Variants in CAPS2 observed in about 807,000 individuals in gnomAD.
CAPS2 encodes calcyphosine 2.
In CAPS2, 98 loss-of-function variants were observed where a neutral mutation model predicts 86.5. The ratio of observed to expected loss-of-function variants is 1.13; its 90% CI spans 0.96 to 1.34. The LOEUF (loss-of-function observed/expected upper bound fraction) is 1.34, where lower values mean the gene tolerates loss of function less well. Ranked by LOEUF, CAPS2 falls within the 40% of genes most tolerant of loss-of-function variation. The probability of loss-of-function intolerance (pLI) is 0.00; values close to 1 mark genes in which losing one functional copy is unlikely to be tolerated. For missense variants in CAPS2, 729 were observed against 686.8 expected (o/e 1.06, Z -0.69); for synonymous variants, 210 against 225.1 (o/e 0.93, Z 0.60).
At chr12:75,371,270 G>A (rs1235562656) in intron 1 of CAPS2, 2 of 154,538 alleles carry the variant, frequency 1.3e-5, no homozygotes, top group African/African-American at 4.8e-5. Context: ...CCTGGAGTCT[G>A]ATGTTTGAGG....
chr12:75,323,044 T>C (rs1189724714), exon 4 of CAPS2: 1 of 1,550,726 alleles, frequency 6.4e-7, no homozygotes, highest in Non-Finnish European at 8.7e-7. Flanking sequence ...AGAAGATGAA[T>C]TTGGCAGGTT....
intron 1 of CAPS2, among the ~76,000 whole-genome samples, chr12:75,358,895 T>C (rs2043350836): frequency 1.4e-5 from 2 of 143,740 alleles, no homozygotes; most frequent in East Asian, 3.9e-4. Flanking sequence ...ATATATTACA[T>C]ATAATTATAT....
upstream of CAPS2, among the ~76,000 whole-genome samples, chr12:75,330,218 AGCTTGT>A (rs1323492366): frequency 6.6e-6 from 1 of 152,040 alleles, no homozygotes; most frequent in Non-Finnish European, 1.5e-5. Context: ...ACCGGAACTG[AGCTTGT>A]GGCCGGAGAC....
intron 1 of CAPS2, among the ~76,000 whole-genome samples, chr12:75,387,584 T>C (rs983653172): frequency 1.3e-5 from 2 of 152,196 alleles, no homozygotes; most frequent in Non-Finnish European, 2.9e-5. Context: ...GAGTAAGTTA[T>C]AAAGAAAAGG....
chr12:75,339,489 T>C lies in CAPS2; in HGVS notation c.-394-16267A>G, dbSNP rs146363133. Among the ~76,000 whole-genome samples, 428 of 152,306 alleles carry C rather than the reference T, an allele frequency of 2.8e-3. 2 individuals carry two copies. Among genetic ancestry groups the C allele is most frequent in the African/African-American group, 9.6e-3 (398 of 41,570 alleles). On this transcript the variant is annotated intron_variant, in intron 1 of 5. Coordinates refer to the CAPS2 transcript ENST00000551829. ...TAATCTCCTTATAGACTCTGGATAT[T>C]AGACCTTGGTCAGATGGATAGATTG... is the stretch of plus-strand genomic sequence containing the variant.
intron 1 of CAPS2, among the ~76,000 whole-genome samples, chr12:75,389,535 T>C (rs2139881484): frequency 6.6e-6 from 1 of 152,324 alleles, no homozygotes; most frequent in African/African-American, 2.4e-5. Flanking sequence ...ATACTTTTTC[T>C]TTAGCATTTT....
chr12:75,337,124 T>C (rs2041789001), intron 1 of CAPS2, among the ~76,000 whole-genome samples: 1 of 151,830 alleles, frequency 6.6e-6, no homozygotes, highest in Non-Finnish European at 1.5e-5. Flanking sequence ...GAAGCATACG[T>C]ATAGATTTAA....
At chr12:75,332,337 A>C (rs952960225), upstream of CAPS2, among the ~76,000 whole-genome samples, 2 of 152,194 alleles carry the variant, frequency 1.3e-5, no homozygotes, top group Non-Finnish European at 2.9e-5. Context: ...CTCAACTTTA[A>C]ATTTTCATTT....
At chr12:75,383,523 T>C (rs1419685849) in intron 1 of CAPS2, among the ~76,000 whole-genome samples, 2 of 152,220 alleles carry the variant, frequency 1.3e-5, no homozygotes, top group East Asian at 3.9e-4. Context: ...CAAGAGAGTG[T>C]AGAAATATAT....
chr12:75,338,593 T>A (rs531487480), intron 1 of CAPS2, among the ~76,000 whole-genome samples: 8 of 149,008 alleles, frequency 5.4e-5, no homozygotes, highest in South Asian at 2.1e-4. Flanking sequence ...AAAAGTTATT[T>A]TTTTTTTCAG....
chr12:75,329,838 T>C (rs574213911), upstream of CAPS2: 22 of 1,545,944 alleles, frequency 1.4e-5, 2 homozygotes, highest in Admixed American at 4.4e-4. Context: ...GCACCTGCAG[T>C]GTAGCAGAAG....
At chr12:75,369,150 C>T (rs1049657141) in intron 1 of CAPS2, among the ~76,000 whole-genome samples, 5 of 151,770 alleles carry the variant, frequency 3.3e-5, no homozygotes, top group African/African-American at 4.8e-5. Flanking sequence ...GGTGATTAAG[C>T]GTATTAAATA....
chr12:75,352,755 ATCACTCCTCAG>A (rs1275741998), intron 1 of CAPS2, among the ~76,000 whole-genome samples: 1 of 152,224 alleles, frequency 6.6e-6, no homozygotes, highest in African/African-American at 2.4e-5. Context: ...TTGGAAGTAA[ATCACTCCTCAG>A]CAAATGCAAA....
chr12:75,328,064 T>C (rs1017685197), upstream of CAPS2, among the ~76,000 whole-genome samples: 1 of 151,750 alleles, frequency 6.6e-6, no homozygotes, highest in Admixed American at 6.6e-5. Context: ...GAAAAAAAAA[T>C]ACAAATCATT....
intron 1 of CAPS2, among the ~76,000 whole-genome samples, chr12:75,339,052 G>A (rs2041926006): frequency 6.6e-6 from 1 of 152,154 alleles, no homozygotes. Flanking sequence ...TGAATAGTGT[G>A]CAGTGAATAT....
chr12:75,355,890 ACAC>A (rs1365592940), intron 1 of CAPS2, among the ~76,000 whole-genome samples: 1 of 152,178 alleles, frequency 6.6e-6, no homozygotes, highest in African/African-American at 2.4e-5. Context: ...GAAAAACCAA[ACAC>A]CACATGTTCT....
rs2035478132 is a variant in CAPS2, at chr12:75,289,549, CAGT to C, written c.1395+69_1395+71del. The C allele has an allele frequency of 7.4e-6, 10 of 1,342,794 alleles. No homozygotes were observed. In the South Asian group the frequency reaches 1.4e-4, roughly 19 times the overall value. The allele number at this position is 1,342,794 out of a possible 1,614,324, so 83.2% of individuals were successfully genotyped here. On this transcript the variant is annotated intron_variant, in intron 14 of 16. Transcript: ENST00000393284. ...AGAAAATAAATGAAAACTAAAATTT[CAGT>C]AGAACAGTGAATAATGCCACCTAAG...
chr12:75,371,866 TA>T (rs1197457217), intron 1 of CAPS2, among the ~76,000 whole-genome samples: 1 of 152,216 alleles, frequency 6.6e-6, no homozygotes, highest in Non-Finnish European at 1.5e-5. Flanking sequence ...CACGTGGTTG[TA>T]TTTATGACTA....
At chr12:75,297,970 ATC>A (rs762890820) in intron 11 of CAPS2, among the ~76,000 whole-genome samples, 5 of 151,996 alleles carry the variant, frequency 3.3e-5, no homozygotes, top group Non-Finnish European at 7.4e-5. Context: ...TGCCCCTCCT[ATC>A]TGGCCCTCTT....
Sources: gnomAD v4.1 joint callset for allele counts (sites outside exome capture counted in the v4.1 genomes callset) on GRCh38, gnomAD v4.1.1 for gene constraint, MANE v1.5 for transcripts, NCBI Gene and HGNC (gene_info 2026-07-23, HGNC 2026-07-21) for gene names.